Variants in NBEA observed in about 807,000 individuals in gnomAD.
NBEA encodes lysosomal-trafficking regulator 2.
NBEA carries 44 observed loss-of-function variants against 343.4 expected under a neutral mutation model. The ratio of observed to expected loss-of-function variants is 0.13; its 90% CI spans 0.10 to 0.16. The LOEUF is 0.16. Ranked by LOEUF, NBEA falls within the 10% of genes least tolerant of loss-of-function variation. The pLI, the probability that NBEA is intolerant of heterozygous loss-of-function variation, is 1.00. For missense variants in NBEA, 2,555 were observed against 3,631.3 expected (o/e 0.70, Z 7.62); for synonymous variants, 1,175 against 1,238.7 (o/e 0.95, Z 1.08).
At chr13:35,593,183 C>T in intron 46 of NBEA, 145 bp from the exon 47 acceptor site, 2 of 780,960 alleles carry the variant, frequency 2.6e-6, no homozygotes, top group Non-Finnish European at 3.8e-6. Context: ...CAGGCATCTC[C>T]TACTGCCTTA....
At chr13:35,208,562 C>G in intron 31 of NBEA, 138 bp from the exon 32 acceptor site, 1 of 624,066 alleles carries the variant, frequency 1.6e-6, no homozygotes, top group Non-Finnish European at 2.6e-6. Context: ...CAAAGCTGGA[C>G]TAAGGAGTTT....
At position 35,420,098 on chromosome 13, in the gene NBEA, T is replaced by C. The variant is rs1394613475; in HGVS notation, c.6180-12171T>C. Among the ~76,000 whole-genome samples the C allele has an allele frequency of 4.6e-5, 7 of 152,054 alleles. No individual in the cohort carries two copies. In the East Asian group the frequency reaches 1.3e-3, roughly 29 times the overall value. The stretch of plus-strand genomic sequence containing the variant: ...ACAATTTTATTTCCTCTTTTTCTAT[T>C]TATATTCCTCTTATTTCCTCTCTTT... On this transcript the variant is annotated intron_variant, in intron 38 of 58. Coordinates refer to ENST00000379939, the MANE Select transcript of NBEA (RefSeq NM_001385012.1).
At chr13:35,400,524 A>G (rs2042956258) in intron 38 of NBEA, among the ~76,000 whole-genome samples, 1 of 152,018 alleles carries the variant, frequency 6.6e-6, no homozygotes, top group Admixed American at 6.6e-5. Context: ...TTTTTTGAGG[A>G]TTATACCACA....
At chr13:35,286,914 A>C (rs183058792) in intron 34 of NBEA, among the ~76,000 whole-genome samples, 15 of 152,096 alleles carry the variant, frequency 9.9e-5, no homozygotes, top group Admixed American at 4.6e-4. Flanking sequence ...TTACTCAGCT[A>C]TATCTGTTTT....
chr13:35,629,333 C>T (rs1650425715), intron 49 of NBEA, among the ~76,000 whole-genome samples: 1 of 152,116 alleles, frequency 6.6e-6, no homozygotes, highest in South Asian at 2.1e-4. Context: ...AGGTGGAAAA[C>T]TTGGAGATGG....
intron 13 of NBEA, among the ~76,000 whole-genome samples, chr13:35,115,236 C>T (rs1458066886): frequency 2.0e-5 from 3 of 152,088 alleles, no homozygotes; most frequent in African/African-American, 7.2e-5. Flanking sequence ...TGAGCTTACT[C>T]ATGCATACAT....
At chr13:35,515,686 A>C (rs953574864) in intron 41 of NBEA, among the ~76,000 whole-genome samples, 1 of 152,058 alleles carries the variant, frequency 6.6e-6, no homozygotes, top group African/African-American at 2.4e-5. Flanking sequence ...AAAAGGCAAT[A>C]TATTTTATAA....
chr13:35,383,649 CAG>C lies in NBEA; in HGVS notation c.6179+31330_6179+31331del, dbSNP rs533621136. Among the ~76,000 whole-genome samples the C allele has an allele frequency of 1.1e-4, 17 of 152,124 alleles. No homozygotes were observed. In the East Asian group the frequency reaches 3.3e-3, roughly 29 times the overall value. ...TCCTCGTGCAGGCATCCTCCTAGCCCAGAGACAACAGTCACTACACAGGATCT... is the reference window on the plus strand; with the variant it reads ...TCCTCGTGCAGGCATCCTCCTAGCCCAGACAACAGTCACTACACAGGATCT... On this transcript the variant is annotated intron_variant, in intron 38 of 58. Coordinates refer to ENST00000379939, the MANE Select transcript of NBEA (RefSeq NM_001385012.1).
At chr13:35,448,388 G>T (rs969089889) in intron 39 of NBEA, among the ~76,000 whole-genome samples, 8 of 152,168 alleles carry the variant, frequency 5.3e-5, no homozygotes, top group South Asian at 2.1e-4. Context: ...TGACTTTATT[G>T]TAAAAAACCA....
intron 30 of NBEA, among the ~76,000 whole-genome samples, chr13:35,195,041 T>G (rs1224362009): frequency 6.6e-6 from 1 of 152,136 alleles, no homozygotes; most frequent in Non-Finnish European, 1.5e-5. Context: ...ATTTTGCAAG[T>G]GTGTCAGAAT....
At chr13:35,516,517 T>C (rs1290016634) in intron 41 of NBEA, among the ~76,000 whole-genome samples, 1 of 152,184 alleles carries the variant, frequency 6.6e-6, no homozygotes. Context: ...AGCAGAAAAT[T>C]AAATGAGTCT....
chr13:35,518,276 A>G (rs1451863798), intron 41 of NBEA, among the ~76,000 whole-genome samples: 1 of 152,174 alleles, frequency 6.6e-6, no homozygotes, highest in Non-Finnish European at 1.5e-5. Context: ...ACTTTATTAT[A>G]TATTTAGATA....
At chr13:34,961,115 T>C (rs1169353396) in intron 1 of NBEA, among the ~76,000 whole-genome samples, 1 of 152,114 alleles carries the variant, frequency 6.6e-6, no homozygotes, top group East Asian at 1.9e-4. Flanking sequence ...ATGCATTTTA[T>C]ATTTTAGAAC....
chr13:35,261,543 T>A (rs1312513855), intron 34 of NBEA, among the ~76,000 whole-genome samples: 1 of 151,598 alleles, frequency 6.6e-6, no homozygotes, highest in East Asian at 1.9e-4. Context: ...AAAATATGAA[T>A]GTGAAGTGAA....
intron 47 of NBEA, among the ~76,000 whole-genome samples, chr13:35,600,423 T>G (rs1316011570): frequency 1.3e-5 from 2 of 152,174 alleles, no homozygotes; most frequent in Non-Finnish European, 2.9e-5. Context: ...ATCTGAACTG[T>G]CTACATAGCT....
intron 10 of NBEA, among the ~76,000 whole-genome samples, chr13:35,090,116 A>G (rs902245836): frequency 3.3e-5 from 5 of 150,798 alleles, no homozygotes; most frequent in African/African-American, 1.2e-4. Flanking sequence ...TAGTCAGTGT[A>G]GGTTATATGA....
intron 1 of NBEA, among the ~76,000 whole-genome samples, chr13:34,976,517 G>GT (rs1446281551): frequency 6.6e-6 from 1 of 152,076 alleles, no homozygotes; most frequent in Non-Finnish European, 1.5e-5. Flanking sequence ...GAAATCACCA[G>GT]TAAAGAACTT....
At chr13:35,043,378 G>GT (rs1172623281) in intron 2 of NBEA, among the ~76,000 whole-genome samples, 1 of 151,714 alleles carries the variant, frequency 6.6e-6, no homozygotes, top group Non-Finnish European at 1.5e-5. Context: ...ATTTTTTAAA[G>GT]TTTTTTTAAA....
intron 1 of NBEA, among the ~76,000 whole-genome samples, chr13:34,979,078 A>G (rs992184638): frequency 1.3e-5 from 2 of 152,176 alleles, no homozygotes; most frequent in Admixed American, 1.3e-4. Context: ...ATTTTCAACA[A>G]TGTATAACAG....
Sources: gnomAD v4.1 joint callset for allele counts (sites outside exome capture counted in the v4.1 genomes callset) on GRCh38, gnomAD v4.1.1 for gene constraint, MANE v1.5 for transcripts, NCBI Gene and HGNC (gene_info 2026-07-23, HGNC 2026-07-21) for gene names.